MADD: variants seen among roughly 807,000 people sequenced by gnomAD.
MADD encodes the protein MAP kinase-activating death domain protein.
MADD carries 109 observed loss-of-function variants against 176.7 expected under a neutral mutation model. That is an observed-to-expected ratio of 0.62 (90% CI 0.53 to 0.72). The LOEUF is 0.72. Ranked by LOEUF, MADD falls within the 30% of genes least tolerant of loss-of-function variation. The pLI, the probability that MADD is intolerant of heterozygous loss-of-function variation, is 0.00. For missense variants in MADD, 1,914 were observed against 2,045.5 expected, an observed-to-expected ratio of 0.94 and a Z score of 1.24; for synonymous variants, 771 against 771.3, an observed-to-expected ratio of 1.00 and a Z score of 0.01.
At chr11:47,295,404 G>A in intron 20 of MADD, 92 bp from the exon 23 acceptor site, 1 of 982,992 alleles carries the variant, frequency 1.0e-6, no homozygotes, top group Admixed American at 1.8e-5. Context: ...ACAGAAGGGT[G>A]GGGATGAGGA....
At chr11:47,294,038 CTTCT>C (rs2067913417) in intron 20 of MADD, 55 bp downstream of exon 22, 5 of 1,365,268 alleles carry the variant, frequency 3.7e-6, no homozygotes, top group Non-Finnish European at 5.2e-6. Flanking sequence ...TCTCAGAATA[CTTCT>C]TTAAGTTAAA....
chr11:47,290,315 G>T lies in MADD; in HGVS notation c.3094+16G>T, dbSNP rs1295638610. Reference sequence around the variant, plus strand: ...TATAGTAAAGGTAGGGATCGTACTTGCTGGGCACCACGCCATCCCTAACTC... The same window carrying T: ...TATAGTAAAGGTAGGGATCGTACTTTCTGGGCACCACGCCATCCCTAACTC... On this transcript the variant is annotated intron_variant, in intron 18 of 32. Coordinates refer to ENST00000402192, the Ensembl canonical transcript of MADD. 3 of 1,611,178 alleles carry T rather than the reference G, an allele frequency of 1.9e-6. No homozygotes were observed. The African/African-American group carries it at 4.0e-5, about 22-fold the overall frequency.
At chr11:47,289,084 G>T (rs1171054033) in intron 15 of MADD, 57 bp downstream of exon 16, 9 of 1,495,782 alleles carry the variant, frequency 6.0e-6, no homozygotes, top group Non-Finnish European at 7.2e-6. Flanking sequence ...CATCTTCTGT[G>T]CCTGCCCGAG....
chr11:47,286,477 C>T (rs972629175), exon 15 of MADD: 11 of 1,614,186 alleles, frequency 6.8e-6, no homozygotes, highest in Non-Finnish European at 9.3e-6. Flanking sequence ...TCTTTCAAAC[C>T]TCACACTGCC....
chr11:47,277,790 C>CGGGACAGCAT (rs2051785408), intron 5 of MADD, among the ~76,000 whole-genome samples: 1 of 152,096 alleles, frequency 6.6e-6, no homozygotes. Flanking sequence ...TGGGACAGAG[C>CGGGACAGCAT]GGGACAGCAT....
At chr11:47,302,798 A>G (rs904142337) in intron 22 of MADD, among the ~76,000 whole-genome samples, 1 of 151,048 alleles carries the variant, frequency 6.6e-6, no homozygotes, top group Admixed American at 6.6e-5. Flanking sequence ...TGTTTTGTTA[A>G]TTGTTTTCTG....
At chr11:47,288,801 G>T (rs1018257011) in intron 15 of MADD, among the ~76,000 whole-genome samples, 167 bp from the exon 16 acceptor site, 1 of 152,210 alleles carries the variant, frequency 6.6e-6, no homozygotes, top group Non-Finnish European at 1.5e-5. Context: ...AGCCTTGGTT[G>T]TCTCCTGGTC....
intron 27 of MADD, among the ~76,000 whole-genome samples, chr11:47,316,821 GCAA>G (rs2093196494): frequency 6.6e-6 from 1 of 151,874 alleles, no homozygotes; most frequent in Non-Finnish European, 1.5e-5. Flanking sequence ...TCAGCTCACT[GCAA>G]CCTCTGCCCC....
intron 10 of MADD, among the ~76,000 whole-genome samples, chr11:47,283,501 A>G (rs2058525440): frequency 6.6e-6 from 1 of 151,810 alleles, no homozygotes; most frequent in Non-Finnish European, 1.5e-5. Context: ...TCCCAGGTTC[A>G]AGTGATTCTC....
At chr11:47,308,698 A>G (rs778325322) in exon 23 of MADD, 2 of 1,612,468 alleles carry the variant, frequency 1.2e-6, no homozygotes, top group South Asian at 1.1e-5. Flanking sequence ...AGGGACTCCT[A>G]GGTGAGAAAC....
At chr11:47,324,049 C>T in intron 28 of MADD, 2 of 643,316 alleles carry the variant, frequency 3.1e-6, no homozygotes, top group East Asian at 5.5e-5. Flanking sequence ...CATTCCTACA[C>T]ATCTGTACCC....
intron 31 of MADD, chr11:47,327,156 A>G (rs1490457400): frequency 1.9e-6 from 2 of 1,043,200 alleles, no homozygotes; most frequent in Non-Finnish European, 2.3e-6. Flanking sequence ...CACTATGTCC[A>G]TGTCACCTGC....
At position 47,276,130 on chromosome 11, in the gene MADD, GCA is replaced by G; in HGVS notation, c.893_894del (p.His298ProfsTer94). ...GATTCACCCTAGTGGATTTCCCACT[GCA>G]CCTTCCCTTGGAACTTCTAGGTGTG... On this transcript the variant is annotated frameshift_variant, in exon 4 of 33. Coordinates refer to ENST00000402192, the Ensembl canonical transcript of MADD. LOFTEE classifies it high-confidence loss of function. 1 of 1,614,178 alleles carries G rather than the reference GCA, an allele frequency of 6.2e-7. No individual in the cohort carries two copies. The highest frequency in any genetic ancestry group is 1.1e-5 in the South Asian group (1 of 91,074).
intron 22 of MADD, among the ~76,000 whole-genome samples, chr11:47,300,618 C>T (rs2077027116): frequency 6.6e-6 from 1 of 152,090 alleles, no homozygotes; most frequent in Non-Finnish European, 1.5e-5. Flanking sequence ...ATACCTCAGC[C>T]TCTTGAGTAG....
intron 8 of MADD, among the ~76,000 whole-genome samples, chr11:47,282,135 C>G (rs1441343348): frequency 6.6e-6 from 1 of 152,056 alleles, no homozygotes; most frequent in Admixed American, 6.6e-5. Context: ...GCACCCAGCC[C>G]AGGGTTTCTT....
intron 18 of MADD, 70 bp downstream of exon 19, chr11:47,290,369 A>G (rs2064110037): frequency 6.4e-7 from 1 of 1,565,650 alleles, no homozygotes; most frequent in Non-Finnish European, 8.7e-7. Context: ...GAGAAAATAT[A>G]TGTGTACCCA....
exon 8 of MADD, chr11:47,281,744 T>C: frequency 6.2e-7 from 1 of 1,602,984 alleles, no homozygotes; most frequent in Non-Finnish European, 8.5e-7. Flanking sequence ...TCTGTGGATG[T>C]TGCAACCAGG....
intron 27 of MADD, among the ~76,000 whole-genome samples, chr11:47,317,754 A>G (rs1319803611): frequency 1.3e-5 from 2 of 151,202 alleles, no homozygotes; most frequent in Non-Finnish European, 2.9e-5. Flanking sequence ...GACACACATA[A>G]ATTTTTTATT....
chr11:47,289,019 G>A (rs374966770), intron 15 of MADD: 2 of 1,593,104 alleles, frequency 1.3e-6, no homozygotes, highest in African/African-American at 1.4e-5. Flanking sequence ...GGCCCCGGGA[G>A]TGGTGAAGGT....
Sources: allele counts gnomAD v4.1 joint callset (sites outside exome capture counted in the v4.1 genomes callset), GRCh38; gene constraint gnomAD v4.1.1; transcripts MANE v1.5; gene names NCBI Gene and HGNC (gene_info 2026-07-23, HGNC 2026-07-21).